Variants in CCL3 observed in about 807,000 individuals in gnomAD.
The protein encoded by CCL3 is C-C motif chemokine 3.
A neutral mutation model predicts 8.1 loss-of-function variants in CCL3; 6 were observed. That is an observed-to-expected ratio of 0.74 (90% CI 0.41 to 1.46). The LOEUF (loss-of-function observed/expected upper bound fraction) is 1.46. Ranked by LOEUF, CCL3 falls within the 40% of genes most tolerant of loss-of-function variation. CCL3 has a pLI of 0.02. For missense variants in CCL3, 109 were observed against 117.7 expected, an observed-to-expected ratio of 0.93 and a Z score of 0.34; for synonymous variants, 45 against 45.1, an observed-to-expected ratio of 1.00 and a Z score of 0.01.
Position 36,088,546 on chromosome 17 carries a change from G to T in CCL3, c.*126C>A. On this transcript the variant is annotated 3_prime_UTR_variant, in exon 3 of 3. Transcript: ENST00000613922. Reference sequence around the variant, plus strand: ...TTAAGAAGAGTCCCACAGTGTGGCTGTTTGGCAACAACCAGTCCATAGAAG... The same window carrying T: ...TTAAGAAGAGTCCCACAGTGTGGCTTTTTGGCAACAACCAGTCCATAGAAG... 1 of 968,402 alleles carries T rather than the reference G, an allele frequency of 1.0e-6. No individual in the cohort carries two copies. Among genetic ancestry groups the T allele is most frequent in the Non-Finnish European group, 1.7e-6 (1 of 604,890 alleles). 60.0% of individuals were successfully genotyped at this position (968,402 alleles called of 1,614,324 possible). A position where few individuals can be genotyped will look rare whatever the true frequency, so the allele number is the denominator to read the frequency against.
Position 36,089,074 on chromosome 17 carries a change from G to A in CCL3, c.188+109C>T, listed in dbSNP as rs1245848798. 9 of 1,419,968 alleles carry A rather than the reference G, an allele frequency of 6.3e-6. No individual in the cohort carries two copies. The East Asian group carries it at 6.8e-5, about 11-fold the overall frequency. The allele number at this position is 1,419,968 out of a possible 1,614,324, so 88.0% of individuals were successfully genotyped here. On this transcript the variant is annotated intron_variant, in intron 2 of 2. Coordinates refer to ENST00000613922, the MANE Select transcript of CCL3 (RefSeq NM_002983.3). ...TCGGAGCCCTGCGTCCTGTATCCCC[G>A]ATAGGCTCCTGAAGGCTGGGCCTTT...
At chr17:36,089,472 C>A (rs975962070) in intron 1 of CCL3, 175 bp from the exon 2 acceptor site, 27 of 696,816 alleles carry the variant, frequency 3.9e-5, no homozygotes, top group Non-Finnish European at 6.5e-5. Context: ...CTTCTTTCTC[C>A]TTGACTCTTC....
chr17:36,089,413 G>A (rs1484265823), intron 1 of CCL3, 116 bp from the exon 2 acceptor site: 2 of 1,225,148 alleles, frequency 1.6e-6, no homozygotes, highest in South Asian at 1.2e-5. Flanking sequence ...TGACTGGAAG[G>A]CATTTGGGCA....
At chr17:36,088,891 G>T (rs2067013372) in intron 2 of CCL3, 129 bp from the exon 3 acceptor site, 2 of 1,244,608 alleles carry the variant, frequency 1.6e-6, no homozygotes, top group East Asian at 4.7e-5. Context: ...GGGGCCCCCT[G>T]CCTATCTCTG....
At chr17:36,088,884 G>A in intron 2 of CCL3, 122 bp from the exon 3 acceptor site, 5 of 1,341,618 alleles carry the variant, frequency 3.7e-6, no homozygotes, top group Middle Eastern at 2.4e-4. Context: ...TCTTTCAGGG[G>A]CCCCCTGCCT....
At position 36,089,177 on chromosome 17, in the gene CCL3, A is replaced by T. The variant is rs758740021; in HGVS notation, c.188+6T>A. ...CATAGAGGTGAGCAGGAAGACTGGC[A>T]CTTACATGACACCGGGCTTGGAGCA... On this transcript the variant is annotated splice_donor_region_variant and intron_variant, in intron 2 of 2. Transcript: ENST00000613922. 5.0e-6 allele frequency: 8 copies of T among 1,613,822 alleles called. No homozygotes were observed. The highest frequency in any genetic ancestry group is 5.1e-6 in the Non-Finnish European group (6 of 1,179,848).
chr17:36,088,827 G>A, intron 2 of CCL3, 65 bp from the exon 3 acceptor site: 1 of 1,595,002 alleles, frequency 6.3e-7, no homozygotes. Flanking sequence ...GGCCCACCAT[G>A]GCCCCACCAT....
chr17:36,089,365 C>A, intron 1 of CCL3, 68 bp from the exon 2 acceptor site: 1 of 1,605,448 alleles, frequency 6.2e-7, no homozygotes, highest in Non-Finnish European at 8.5e-7. Flanking sequence ...GCTTCTGATC[C>A]CCGAGCAGTT....
intron 1 of CCL3, 25 bp from the exon 2 acceptor site, chr17:36,089,322 C>T: frequency 1.9e-6 from 3 of 1,614,038 alleles, no homozygotes; most frequent in Non-Finnish European, 2.5e-6. Context: ...AGAGAATGAG[C>T]CCGAGTCACA....
At position 36,088,321 on chromosome 17, in the gene CCL3, C is replaced by T. The variant is rs1049203; in HGVS notation, c.*351G>A. 3.5e-5 allele frequency: 11 copies of T among 315,744 alleles called. No homozygotes were observed. The highest frequency in any genetic ancestry group is 9.9e-4 in the Middle Eastern group (1 of 1,008). The allele number at this position is 315,744 out of a possible 1,614,324, so 19.6% of individuals were successfully genotyped here. On this transcript the variant is annotated 3_prime_UTR_variant, in exon 3 of 3. Coordinates refer to ENST00000613922, the MANE Select transcript of CCL3 (RefSeq NM_002983.3). The stretch of plus-strand genomic sequence containing the variant: ...GATCACAGCCCTGAACAAAAGCATC[C>T]GATACACATTTGTCAGTCTGGTGGC...
rs372602831 is a variant in CCL3, at chr17:36,088,262, T to G, written c.*410A>C. 6.8e-5 allele frequency: 14 copies of G among 205,244 alleles called. No homozygotes were observed. The highest frequency in any genetic ancestry group is 1.6e-4 in the Admixed American group (3 of 18,534). The allele number at this position is 205,244 out of a possible 1,614,324, so 12.7% of individuals were successfully genotyped here. Reference sequence around the variant, plus strand: ...AAACCAAACTCAATACTGGTTTACCTTTTAAAAGAGCATCTTTATTATTTC... The same window carrying G: ...AAACCAAACTCAATACTGGTTTACCGTTTAAAAGAGCATCTTTATTATTTC... On this transcript the variant is annotated 3_prime_UTR_variant, in exon 3 of 3. Transcript: ENST00000613922.
chr17:36,089,127 C>A, intron 2 of CCL3, 56 bp downstream of exon 2: 1 of 1,608,232 alleles, frequency 6.2e-7, no homozygotes, highest in South Asian at 1.1e-5. Context: ...CCTGTCTCTG[C>A]CCCAACCCTG....
At chr17:36,089,003 G>A (rs192776659) in intron 2 of CCL3, among the ~76,000 whole-genome samples, 180 bp downstream of exon 2, 3 of 152,202 alleles carry the variant, frequency 2.0e-5, no homozygotes, top group Non-Finnish European at 2.9e-5. Flanking sequence ...AGCCCTTCCT[G>A]ACTCTGTAAC....
chr17:36,089,232 T>C lies in CCL3; in HGVS notation c.139A>G (p.Ile47Val). 1.2e-6 allele frequency: 2 copies of C among 1,613,994 alleles called. No individual in the cohort carries two copies. Among genetic ancestry groups the C allele is most frequent in the East Asian group, 2.2e-5 (1 of 44,876 alleles). Reference protein sequence around the residue: ...YTSRQIPQNFIADYFETSSQC... With the variant: ...YTSRQIPQNFVADYFETSSQC... Reference sequence around the variant, plus strand: ...CTGCTCGTCTCAAAGTAGTCAGCTATGAAATTCTGTGGAATCTGCCGGGAG... The same window carrying C: ...CTGCTCGTCTCAAAGTAGTCAGCTACGAAATTCTGTGGAATCTGCCGGGAG... Residue 47 changes from isoleucine to valine, a missense_variant, in exon 2 of 3, where the codon ATA becomes GTA. By Grantham distance (29) the Ile-to-Val change is conservative. Transcript: ENST00000613922.
At chr17:36,089,924 A>C in intron 1 of CCL3, 62 bp downstream of exon 1, 2 of 1,485,290 alleles carry the variant, frequency 1.3e-6, no homozygotes, top group Non-Finnish European at 1.9e-6. Context: ...CCACAAGAAA[A>C]GATTGATGTG....
At chr17:36,089,082 C>T (rs879328703) in intron 2 of CCL3, 101 bp downstream of exon 2, 5 of 1,480,914 alleles carry the variant, frequency 3.4e-6, no homozygotes, top group Non-Finnish European at 4.7e-6. Flanking sequence ...CCGATAGGCT[C>T]CTGAAGGCTG....
Position 36,088,762 on chromosome 17 carries a change from G to A in CCL3, c.189C>T (p.Ile63=). 1 of 1,613,934 alleles carries A rather than the reference G, an allele frequency of 6.2e-7. No individual in the cohort carries two copies. The highest frequency in any genetic ancestry group is 8.5e-7 in the Non-Finnish European group (1 of 1,179,870). The part of the protein sequence containing the change: ...TSSQCSKPGV[I]FLTKRSRQVC... ...CCTGCCGGCTTCGCTTGGTTAGGAA[G>A]CTGTGGAGAAGGGAGGAAGAGTTAA... The change falls in exon 3 of 3, where the codon ATC becomes ATT. Residue 63 remains isoleucine, a splice_region_variant and synonymous_variant. Coordinates refer to ENST00000613922, the MANE Select transcript of CCL3 (RefSeq NM_002983.3).
At chr17:36,089,728 C>G (rs1260853959) in intron 1 of CCL3, 1 of 695,714 alleles carries the variant, frequency 1.4e-6, no homozygotes, top group Non-Finnish European at 2.7e-6. Flanking sequence ...CTAACTGATT[C>G]GTTTCGAACC....
intron 1 of CCL3, chr17:36,089,720 A>C (rs1178198144): frequency 2.9e-6 from 2 of 691,082 alleles, no homozygotes; most frequent in African/African-American, 3.5e-5. Flanking sequence ...GCCTCTTGCT[A>C]ACTGATTCGT....
Sources: gnomAD v4.1 joint callset for allele counts (sites outside exome capture counted in the v4.1 genomes callset) on GRCh38, gnomAD v4.1.1 for gene constraint, MANE v1.5 for transcripts, NCBI Gene and HGNC (gene_info 2026-07-23, HGNC 2026-07-21) for gene names.